Variants in COL5A1 observed in about 807,000 individuals in gnomAD.
COL5A1 encodes collagen type V alpha 1 chain.
In COL5A1, 16 loss-of-function variants were observed where a neutral mutation model predicts 263.7. The observed-to-expected ratio is 0.06, with a 90% CI of 0.04 to 0.09. The LOEUF is 0.09. Among genes scored for constraint, COL5A1 ranks in the 10% least tolerant of loss-of-function variants. COL5A1 has a pLI of 1.00. For synonymous variants in COL5A1, 1,012 were observed against 1,004.5 expected, an observed-to-expected ratio of 1.01 and a Z score of -0.14; for missense variants, 2,036 against 2,540.5, an observed-to-expected ratio of 0.80 and a Z score of 4.27.
chr9:134,691,336 G>A (rs1003544190), intron 2 of COL5A1, among the ~76,000 whole-genome samples: 2 of 152,208 alleles, frequency 1.3e-5, no homozygotes, highest in Admixed American at 6.5e-5. Context: ...CAGTGCCCTT[G>A]ACCTTCTATC....
chr9:134,757,111 C>T lies in COL5A1; in HGVS notation c.1881+293C>T, dbSNP rs1421585684. 6.6e-6 allele frequency among the ~76,000 whole-genome samples: 1 copy of T among 152,056 alleles called. No individual in the cohort carries two copies. The highest frequency in any genetic ancestry group is 1.5e-5 in the Non-Finnish European group (1 of 68,024). On this transcript the variant is annotated intron_variant, in intron 17 of 65. Transcript: ENST00000371817. This position sits in a 1 kb window ranked among gnomAD's most constrained non-coding sequence, Gnocchi z 6.2. ...CCGTGGCCGTGCAGGTGACGAGGCG[C>T]ATGTAGGGCAGAGGCGGGGCATATG...
rs1382079874 is a variant in COL5A1, at chr9:134,794,994, C to T, written c.2701-88C>T. 2.1e-6 allele frequency: 3 copies of T among 1,439,846 alleles called. No individual in the cohort carries two copies. The highest frequency in any genetic ancestry group is 2.9e-6 in the Non-Finnish European group (3 of 1,025,072). 89.2% of individuals were successfully genotyped at this position (1,439,846 alleles called of 1,614,324 possible). On this transcript the variant is annotated intron_variant, in intron 32 of 65. Transcript: ENST00000371817. The surrounding 1 kb of genome is among the most constrained non-coding windows in gnomAD (Gnocchi z 4.3). The stretch of plus-strand genomic sequence containing the variant: ...TTCCTCCTATCCTGCTCTGAATTCA[C>T]AGTCTCTCAATAACCCGGGAGACAG...
At chr9:134,693,683 C>T (rs4076970) in intron 2 of COL5A1, among the ~76,000 whole-genome samples, 43,875 of 152,140 alleles carry the variant, frequency 0.29, 7,572 homozygotes, top group South Asian at 0.4. Context: ...TACCCCGCCT[C>T]GCCCCTTCCG....
At chr9:134,748,233 A>ACACACATG (rs1395255663) in intron 11 of COL5A1, among the ~76,000 whole-genome samples, 1 of 151,936 alleles carries the variant, frequency 6.6e-6, no homozygotes, top group African/African-American at 2.4e-5. Flanking sequence ...ATGCACACCC[A>ACACACATG]CACACATGCA....
Position 134,844,707 on chromosome 9 carries a change from A to G in COL5A1, c.*2404A>G, listed in dbSNP as rs992973971. 2.0e-5 allele frequency: 3 copies of G among 152,274 alleles called. No individual in the cohort carries two copies. Among genetic ancestry groups the G allele is most frequent in the Non-Finnish European group, 2.9e-5 (2 of 68,052 alleles). 9.4% of individuals were successfully genotyped at this position (152,274 alleles called of 1,614,324 possible). ...AATGACACATTGTACGGTTTCAAAA[A>G]ATCCGCTAGACATGTCATAAGTTTT... On this transcript the variant is annotated 3_prime_UTR_variant, in exon 66 of 66. Transcript: ENST00000371817.
intron 59 of COL5A1, 30 bp downstream of exon 59, chr9:134,822,180 CTGGGAGGG>C (rs1222425079): frequency 3.5e-6 from 4 of 1,135,592 alleles, no homozygotes; most frequent in African/African-American, 1.4e-5. Flanking sequence ...TTGGTCATTC[CTGGGAGGG>C]CAGGGAGGGT....
intron 1 of COL5A1, among the ~76,000 whole-genome samples, chr9:134,651,449 G>A (rs1236410745): frequency 6.6e-6 from 1 of 152,184 alleles, no homozygotes; most frequent in African/African-American, 2.4e-5. Flanking sequence ...TGAGGCTGCA[G>A]TGAGCTGTGT....
chr9:134,817,961 G>C (rs1396425195), intron 54 of COL5A1, 130 bp downstream of exon 54: 4 of 921,608 alleles, frequency 4.3e-6, no homozygotes, highest in African/African-American at 3.3e-5. Flanking sequence ...GGGGCACCTG[G>C]CTCATGGCCT....
Position 134,823,455 on chromosome 9 carries a change from C to T in COL5A1, c.4684C>T (p.Pro1562Ser), listed in dbSNP as rs1299418699. 1 of 1,614,140 alleles carries T rather than the reference C, an allele frequency of 6.2e-7. No individual in the cohort carries two copies. Among genetic ancestry groups the T allele is most frequent in the Non-Finnish European group, 8.5e-7 (1 of 1,179,966 alleles). ...GPKGEAGHPG[P>S]PGPPGPPGEV... ...GAAGGGTGAGGCAGGCCACCCAGGA[C>T]CCCCAGGCCCCCCGGTAAGTAGCCC... Residue 1562 changes from proline (P) to serine (S), a missense_variant, in exon 61 of 66, where the codon CCC becomes TCC. Pro to Ser is a moderately conservative substitution (Grantham distance 74). Transcript: ENST00000371817.
chr9:134,701,965 C>T (rs539615107), intron 4 of COL5A1, among the ~76,000 whole-genome samples: 140 of 152,316 alleles, frequency 9.2e-4, no homozygotes, highest in African/African-American at 3.2e-3. Context: ...ATGCCCCGTC[C>T]CACTGCCAAG....
In COL5A1 at chr9:134,813,967, T is replaced by G; in HGVS notation, c.3853-16T>G. 1 of 1,550,830 alleles carries G rather than the reference T, an allele frequency of 6.4e-7. No individual in the cohort carries two copies. The highest frequency in any genetic ancestry group is 2.4e-5 in the East Asian group (1 of 40,912). ...GGTGCTCACCGCTGCCATAACCACA[T>G]GCACTGTCTCCCTAGGGCGAGCCTG... is the stretch of plus-strand genomic sequence containing the variant. On this transcript the variant is annotated splice_polypyrimidine_tract_variant and intron_variant, in intron 48 of 65. Coordinates refer to ENST00000371817, the MANE Select transcript of COL5A1 (RefSeq NM_000093.5).
chr9:134,698,139 A>T (rs909596781), intron 2 of COL5A1, among the ~76,000 whole-genome samples: 1 of 152,222 alleles, frequency 6.6e-6, no homozygotes, highest in Non-Finnish European at 1.5e-5. Flanking sequence ...GTGTCTAGAC[A>T]TGGGAGTCCT....
rs1025428675 is a variant in COL5A1 at position 134,754,425 on chromosome 9, A to G, written c.1827+99A>G. 1.4e-6 allele frequency: 2 copies of G among 1,380,944 alleles called. No homozygotes were observed. Among genetic ancestry groups the G allele is most frequent in the South Asian group, 2.3e-5 (2 of 86,276 alleles). The allele number at this position is 1,380,944 out of a possible 1,614,324, so 85.5% of individuals were successfully genotyped here. On this transcript the variant is annotated intron_variant, in intron 16 of 65. Transcript: ENST00000371817. This position sits in a 1 kb window ranked among gnomAD's most constrained non-coding sequence, Gnocchi z 4.3. ...CACCCCCAACAGCCAGCTGGGCCACATGAAGCCAGGTGGCTCCCCTTCTTG... is the reference window on the plus strand; with the variant it reads ...CACCCCCAACAGCCAGCTGGGCCACGTGAAGCCAGGTGGCTCCCCTTCTTG...
At chr9:134,823,525 G>C in intron 61 of COL5A1, 56 bp downstream of exon 61, 1 of 1,578,402 alleles carries the variant, frequency 6.3e-7, no homozygotes, top group African/African-American at 1.3e-5. Context: ...AGCTCCGAGG[G>C]AATTGAGAAA....
intron 30 of COL5A1, 47 bp from the exon 31 acceptor site, chr9:134,785,948 T>G (rs1564457668): frequency 6.5e-7 from 1 of 1,545,536 alleles, no homozygotes; most frequent in Non-Finnish European, 8.9e-7. Flanking sequence ...GGGAAACGGA[T>G]GGAGCAATAC....
chr9:134,709,047 C>T, intron 4 of COL5A1: 1 of 423,618 alleles, frequency 2.4e-6, no homozygotes, highest in Non-Finnish European at 4.8e-6. Flanking sequence ...AGGATGTTCC[C>T]ATTTCCAGAT....
At chr9:134,706,363 T>G (rs556630105) in intron 4 of COL5A1, among the ~76,000 whole-genome samples, 2 of 152,176 alleles carry the variant, frequency 1.3e-5, no homozygotes, top group South Asian at 4.2e-4. Context: ...TGCAGGAAGG[T>G]CTTTTTATCC....
Position 134,696,847 on chromosome 9 carries a change from G to A in COL5A1, c.278-3062G>A, listed in dbSNP as rs1175931058. On this transcript the variant is annotated intron_variant, in intron 2 of 65. Coordinates refer to ENST00000371817, the MANE Select transcript of COL5A1 (RefSeq NM_000093.5). This position sits in a 1 kb window ranked among gnomAD's most constrained non-coding sequence, Gnocchi z 4.3. The stretch of plus-strand genomic sequence containing the variant: ...GCACTTTGGGAGGCCAAGGCAGGCG[G>A]ATCACGAGGTCAGGAGATCGAGACC... Among the ~76,000 whole-genome samples, 1 of 152,140 alleles carries A rather than the reference G, an allele frequency of 6.6e-6. No individual in the cohort carries two copies.
chr9:134,732,296 C>A, intron 9 of COL5A1, 169 bp downstream of exon 9: 1 of 719,450 alleles, frequency 1.4e-6, no homozygotes. Flanking sequence ...GTCCCCAGGA[C>A]TTGTGAAGAA....
Sources: gnomAD v4.1 joint callset for allele counts (sites outside exome capture counted in the v4.1 genomes callset) on GRCh38, gnomAD v4.1.1 for gene constraint, Gnocchi (gnomAD v3.1) non-coding constraint, MANE v1.5 for transcripts, NCBI Gene and HGNC (gene_info 2026-07-23, HGNC 2026-07-21) for gene names.